MRTFB: variants seen among roughly 807,000 people sequenced by gnomAD.
MRTFB encodes myocardin related transcription factor B.
A neutral mutation model predicts 104.2 loss-of-function variants in MRTFB; 29 were observed. The ratio of observed to expected loss-of-function variants is 0.28; its 90% CI spans 0.21 to 0.38. The LOEUF (loss-of-function observed/expected upper bound fraction) is 0.38, where lower values mean the gene tolerates loss of function less well. Ranked by LOEUF, MRTFB falls within the 10% of genes least tolerant of loss-of-function variation. MRTFB has a pLI of 1.00. For synonymous variants in MRTFB, 535 were observed against 519.5 expected (o/e 1.03, Z -0.41); for missense variants, 1,270 against 1,341.6 (o/e 0.95, Z 0.83).
chr16:14,054,512 C>T, the MRTFB span, among the ~76,000 whole-genome samples: 17 of 152,154 alleles, frequency 1.1e-4, no homozygotes, highest in African/African-American at 1.9e-4. Flanking sequence ...CCACCATGAC[C>T]GGCCCTTTTC....
chr16:14,240,239 A>C lies in MRTFB; in HGVS notation c.834A>C (p.Gln278His). Residue 278 changes from glutamine (Q) to histidine (H), a missense_variant and splice_region_variant, in exon 10 of 17, where the codon CAA (glutamine) becomes CAC (histidine). Physicochemically the swap from Gln to His is conservative, Grantham distance 24. Transcript: ENST00000571589. ...SAKPGPALVK[Q>H]SHPKNPNDKH... Reference sequence around the variant, plus strand: ...TATTTTCTTTTTCTCAAAAATAGCAAAGCCATCCCAAGAATCCAAATGACA... The same window carrying C: ...TATTTTCTTTTTCTCAAAAATAGCACAGCCATCCCAAGAATCCAAATGACA... 6.3e-7 allele frequency: 1 copy of C among 1,588,468 alleles called. No homozygotes were observed. The highest frequency in any genetic ancestry group is 8.6e-7 in the Non-Finnish European group (1 of 1,169,378).
At chr16:14,163,650 G>T (rs2039123067) in intron 3 of MRTFB, among the ~76,000 whole-genome samples, 1 of 152,052 alleles carries the variant, frequency 6.6e-6, no homozygotes, top group Non-Finnish European at 1.5e-5. Context: ...TGGCCAACAT[G>T]ATGAAACCCC....
chr16:14,081,648 C>T (rs1244106190), intron 2 of MRTFB, among the ~76,000 whole-genome samples: 7 of 151,774 alleles, frequency 4.6e-5, no homozygotes, highest in Non-Finnish European at 5.9e-5. Context: ...GGTGCAATCA[C>T]GGCTCACTGC....
At chr16:14,000,892 T>G in the MRTFB span, among the ~76,000 whole-genome samples, 1 of 152,256 alleles carries the variant, frequency 6.6e-6, no homozygotes, top group African/African-American at 2.4e-5. Flanking sequence ...AGAAGGTCTC[T>G]GAGCCTCAGT....
chr16:14,006,994 G>A, the MRTFB span, among the ~76,000 whole-genome samples: 8 of 152,160 alleles, frequency 5.3e-5, no homozygotes, highest in African/African-American at 1.9e-4. Flanking sequence ...TCCGGCCTGG[G>A]CAACAGAGTG....
the MRTFB span, among the ~76,000 whole-genome samples, chr16:14,000,536 C>A: frequency 6.6e-6 from 1 of 152,238 alleles, no homozygotes; most frequent in Non-Finnish European, 1.5e-5. Context: ...CCAAATCACA[C>A]AGCTTTTTAG....
chr16:14,179,128 A>G (rs143023265), intron 3 of MRTFB, among the ~76,000 whole-genome samples: 266 of 152,380 alleles, frequency 1.7e-3, no homozygotes, highest in Non-Finnish European at 2.8e-3. Flanking sequence ...AGTAGCACTT[A>G]TATGACAAAA....
intron 2 of MRTFB, among the ~76,000 whole-genome samples, chr16:14,132,286 A>G (rs890721153): frequency 1.3e-5 from 2 of 152,070 alleles, no homozygotes; most frequent in Non-Finnish European, 2.9e-5. Context: ...AGATTAAGAA[A>G]TGACTGCTGT....
chr16:14,261,058 G>A lies in MRTFB; in HGVS notation c.2914G>A (p.Gly972Ser), dbSNP rs146551522. The change falls in exon 17 of 17, where the codon GGC (glycine) becomes AGC (serine). Residue 972 changes from glycine (G) to serine (S), a missense_variant. Coordinates refer to ENST00000571589, the MANE Select transcript of MRTFB (RefSeq NM_001308142.2). Reference protein sequence around the residue: ...MAPPVSLEPMGSLSASLENQL... With the variant: ...MAPPVSLEPMSSLSASLENQL... ...ACCACCTGTATCTTTAGAACCTATG[G>A]GCAGTTTATCTGCCAGCTTAGAGAA... 4.3e-6 allele frequency: 7 copies of A among 1,613,978 alleles called. No individual in the cohort carries two copies. In the African/African-American group the frequency reaches 5.3e-5, roughly 12 times the overall value.
At chr16:14,213,657 T>C in intron 6 of MRTFB, 37 bp downstream of exon 6, 1 of 1,416,724 alleles carries the variant, frequency 7.1e-7, no homozygotes, top group East Asian at 2.4e-5. Context: ...GCTGTATTTT[T>C]TCAAGAAAAG....
At chr16:14,255,894 C>CG (rs2151454446) in intron 15 of MRTFB, among the ~76,000 whole-genome samples, 1 of 151,912 alleles carries the variant, frequency 6.6e-6, no homozygotes, top group South Asian at 2.1e-4. Context: ...GGGAGGATTG[C>CG]TTGAACCTAG....
At chr16:14,069,351 C>T (rs1189060446), upstream of MRTFB, among the ~76,000 whole-genome samples, 1 of 151,764 alleles carries the variant, frequency 6.6e-6, no homozygotes, top group Non-Finnish European at 1.5e-5. Context: ...CTGAGAGTTA[C>T]ACCATCAGAT....
chr16:14,044,023 G>C, the MRTFB span, among the ~76,000 whole-genome samples: 2 of 152,170 alleles, frequency 1.3e-5, no homozygotes, highest in African/African-American at 4.8e-5. Flanking sequence ...TGAGACTTAT[G>C]AGACTGAAAA....
At chr16:14,260,068 A>T (rs1048435108) in intron 16 of MRTFB, among the ~76,000 whole-genome samples, 2 of 152,230 alleles carry the variant, frequency 1.3e-5, no homozygotes, top group African/African-American at 4.8e-5. Context: ...AGTTTAGTGA[A>T]CGCCAGTATT....
intron 2 of MRTFB, among the ~76,000 whole-genome samples, chr16:14,090,879 G>GGTGTGTGTGTGTGTGTGTGTGTGTGT: frequency 7.1e-6 from 1 of 141,786 alleles, no homozygotes; most frequent in East Asian, 2.1e-4. Flanking sequence ...AGTTCAGCAT[G>GGTGTGTGTGTGTGTGTGTGTGTGTGT]GTGTGTGTGT....
At chr16:14,048,564 G>C in the MRTFB span, among the ~76,000 whole-genome samples, 1 of 152,122 alleles carries the variant, frequency 6.6e-6, no homozygotes, top group Non-Finnish European at 1.5e-5. Flanking sequence ...AAGACACAGG[G>C]GCCAGAGTGT....
chr16:14,012,291 C>CTTTA, the MRTFB span, among the ~76,000 whole-genome samples: 2 of 97,782 alleles, frequency 2.0e-5, no homozygotes, highest in African/African-American at 5.8e-5. Context: ...TTTTCTTTTT[C>CTTTA]TTTCTTTCTT....
intron 2 of MRTFB, among the ~76,000 whole-genome samples, chr16:14,124,839 G>A (rs1244839766): frequency 6.6e-6 from 1 of 152,102 alleles, no homozygotes; most frequent in East Asian, 1.9e-4. Flanking sequence ...GAAGGAATGT[G>A]TATTAACATG....
intron 3 of MRTFB, among the ~76,000 whole-genome samples, chr16:14,146,899 G>A (rs1365912559): frequency 6.6e-6 from 1 of 152,200 alleles, no homozygotes; most frequent in Non-Finnish European, 1.5e-5. Context: ...CTTTTCTCTG[G>A]AGCAGATAGC....
Sources: allele counts gnomAD v4.1 joint callset (sites outside exome capture counted in the v4.1 genomes callset), GRCh38; gene constraint gnomAD v4.1.1; transcripts MANE v1.5; gene names NCBI Gene and HGNC (gene_info 2026-07-23, HGNC 2026-07-21).